PRKCE: variants seen among roughly 807,000 people sequenced by gnomAD.
The protein encoded by PRKCE is protein kinase C epsilon.
In PRKCE, 16 loss-of-function variants were observed where a neutral mutation model predicts 85.4. The observed-to-expected ratio is 0.19, with a 90% CI of 0.13 to 0.28. PRKCE has a LOEUF of 0.28. Among genes scored for constraint, PRKCE ranks in the 10% least tolerant of loss-of-function variants. The pLI, the probability that PRKCE is intolerant of heterozygous loss-of-function variation, is 1.00. For synonymous variants in PRKCE, 388 were observed against 371.5 expected (o/e 1.04, Z -0.51); for missense variants, 573 against 975.2 (o/e 0.59, Z 5.49).
intron 2 of PRKCE, among the ~76,000 whole-genome samples, chr2:45,973,194 A>C (rs896029036): frequency 2.0e-5 from 3 of 152,186 alleles, no homozygotes; most frequent in Non-Finnish European, 2.9e-5. Flanking sequence ...AGGCCCCAGT[A>C]GGGAGGTTCT....
chr2:45,688,932 C>T (rs577277911), intron 1 of PRKCE, among the ~76,000 whole-genome samples: 1 of 152,330 alleles, frequency 6.6e-6, no homozygotes, highest in African/African-American at 2.4e-5. Flanking sequence ...TCATCCACAA[C>T]ATAAGAGACT....
chr2:45,717,666 C>T (rs184947957), intron 1 of PRKCE, among the ~76,000 whole-genome samples: 1 of 152,170 alleles, frequency 6.6e-6, no homozygotes, highest in Admixed American at 6.5e-5. Flanking sequence ...TTTAGCCCGC[C>T]ATAGTAGTCT....
chr2:45,989,230 G>C (rs1703599190), intron 6 of PRKCE, among the ~76,000 whole-genome samples: 1 of 152,222 alleles, frequency 6.6e-6, no homozygotes, highest in Non-Finnish European at 1.5e-5. Flanking sequence ...AGGGAGGAAG[G>C]TGTACTCCAC....
At chr2:45,824,326 T>A (rs967876592) in intron 1 of PRKCE, among the ~76,000 whole-genome samples, 1 of 152,240 alleles carries the variant, frequency 6.6e-6, no homozygotes, top group African/African-American at 2.4e-5. Flanking sequence ...AACTCCTTTC[T>A]TTCCAAAGCC....
At position 46,149,458 on chromosome 2, in the gene PRKCE, C is replaced by T. The variant is rs533116374; in HGVS notation, c.1732-1583C>T. Among the ~76,000 whole-genome samples, 20 of 152,290 alleles carry T rather than the reference C, an allele frequency of 1.3e-4. 1 individual carries two copies. The Middle Eastern group carries it at 0.02, about 155-fold the overall frequency. On this transcript the variant is annotated intron_variant, in intron 12 of 14. Transcript: ENST00000306156. ...GTTTCTGGGCAGAGCCATGCCTAATCCCACTCTAATAAGAAGAGAAAATAA... is the reference window on the plus strand; with the variant it reads ...GTTTCTGGGCAGAGCCATGCCTAATTCCACTCTAATAAGAAGAGAAAATAA...
At chr2:46,116,738 C>A (rs1672808161) in intron 11 of PRKCE, among the ~76,000 whole-genome samples, 1 of 89,806 alleles carries the variant, frequency 1.1e-5, no homozygotes, top group African/African-American at 3.4e-5. Context: ...GAGAAGGATG[C>A]CTGTTCGGAG....
chr2:45,887,675 A>G lies in PRKCE; in HGVS notation c.412+44612A>G, dbSNP rs114837551. 3.5e-3 allele frequency among the ~76,000 whole-genome samples: 539 copies of G among 152,268 alleles called. 3 individuals carry two copies. The highest frequency in any genetic ancestry group is 0.012 in the African/African-American group (507 of 41,556). On this transcript the variant is annotated intron_variant, in intron 2 of 14. Transcript: ENST00000306156. ...GTTCTAGAACCATGCCACATCAGCT[A>G]TGATCAGCATCTGCAAATGATGTCC...
At chr2:45,872,534 G>A (rs956125905) in intron 2 of PRKCE, among the ~76,000 whole-genome samples, 1 of 152,194 alleles carries the variant, frequency 6.6e-6, no homozygotes, top group South Asian at 2.1e-4. Flanking sequence ...GGCAGAACCA[G>A]AGGTCAATTA....
chr2:46,081,502 T>G (rs1309133837), intron 10 of PRKCE, among the ~76,000 whole-genome samples: 1 of 152,028 alleles, frequency 6.6e-6, no homozygotes, highest in Non-Finnish European at 1.5e-5. Context: ...ATTACACAAA[T>G]AAAACCTCAG....
chr2:46,089,724 G>A (rs1321917173), intron 11 of PRKCE, among the ~76,000 whole-genome samples: 1 of 148,762 alleles, frequency 6.7e-6, no homozygotes. Context: ...CTCAGCAAGA[G>A]ATGCTTTTCT....
intron 5 of PRKCE, 124 bp from the exon 6 acceptor site, chr2:45,984,427 G>T: frequency 7.1e-7 from 1 of 1,414,416 alleles, no homozygotes; most frequent in Non-Finnish European, 9.6e-7. Flanking sequence ...TTAGAGCCAA[G>T]CTAGGGCCTG....
intron 10 of PRKCE, among the ~76,000 whole-genome samples, chr2:46,026,966 G>C (rs572087533): frequency 1.3e-5 from 2 of 152,282 alleles, no homozygotes; most frequent in Non-Finnish European, 2.9e-5. Flanking sequence ...CAGGAGGATT[G>C]CTTGAGCCCT....
chr2:45,874,376 C>G (rs1694316719), intron 2 of PRKCE, among the ~76,000 whole-genome samples: 1 of 152,238 alleles, frequency 6.6e-6, no homozygotes, highest in South Asian at 2.1e-4. Flanking sequence ...GAACTTGTGC[C>G]TGTCCTCTGG....
At position 46,159,585 on chromosome 2, in the gene PRKCE, ACT is replaced by A. The variant is rs1203695205; in HGVS notation, c.1921-18_1921-17del. 3.2e-6 allele frequency: 5 copies of A among 1,576,658 alleles called. No individual in the cohort carries two copies. Among genetic ancestry groups the A allele is most frequent in the Non-Finnish European group, 4.3e-6 (5 of 1,168,272 alleles). On this transcript the variant is annotated intron_variant, in intron 13 of 14. Coordinates refer to ENST00000306156, the MANE Select transcript of PRKCE (RefSeq NM_005400.3). This position sits in a 1 kb window ranked among gnomAD's most constrained non-coding sequence, Gnocchi z 4.1. ...GGCCAGGCCTTTGTCACTAATTCCGACTCTGTCCTCATCCCTGCAGTTCATGA... is the reference window on the plus strand; with the variant it reads ...GGCCAGGCCTTTGTCACTAATTCCGACTGTCCTCATCCCTGCAGTTCATGA...
intron 10 of PRKCE, among the ~76,000 whole-genome samples, chr2:46,050,386 G>A (rs1220943593): frequency 2.0e-5 from 3 of 152,258 alleles, no homozygotes; most frequent in Non-Finnish European, 4.4e-5. Flanking sequence ...CTAGGCTCCA[G>A]TGTTCCGCTC....
chr2:45,943,739 C>G (rs1259148100), intron 2 of PRKCE, among the ~76,000 whole-genome samples: 1 of 152,186 alleles, frequency 6.6e-6, no homozygotes, highest in Admixed American at 6.5e-5. Flanking sequence ...GAAACCAAGC[C>G]TCCTCTCCTG....
rs34124689 is a variant in PRKCE at position 45,903,881 on chromosome 2, G to GTTT, written c.412+60825_412+60827dup. 2.6e-3 allele frequency among the ~76,000 whole-genome samples: 303 copies of GTTT among 117,186 alleles called. 12 individuals are homozygous for GTTT. Among genetic ancestry groups the GTTT allele is most frequent in the South Asian group, 8.2e-3 (26 of 3,160 alleles). 76.9% of individuals were successfully genotyped at this position (117,186 alleles called of 152,430 possible). On this transcript the variant is annotated intron_variant, in intron 2 of 14. Coordinates refer to ENST00000306156, the MANE Select transcript of PRKCE (RefSeq NM_005400.3). ...GTATATGAGAGCTTGTAGCCTGGCAGTTTTTTTTTGTTTGTTTGTTTGTTT... is the reference window on the plus strand; with the variant it reads ...GTATATGAGAGCTTGTAGCCTGGCAGTTTTTTTTTTTTGTTTGTTTGTTTGTTT...
rs150545523 is a variant in PRKCE at position 46,099,782 on chromosome 2, G to A, written c.1592+13420G>A. Among the ~76,000 whole-genome samples, 8 of 152,262 alleles carry A rather than the reference G, an allele frequency of 5.3e-5. No homozygotes were observed. The East Asian group carries it at 1.5e-3, about 29-fold the overall frequency. ...ACATTTATCGAGAAAACTCCAGGGA[G>A]GTGAGGGGATTTTCTAAGCATATTT... is the stretch of plus-strand genomic sequence containing the variant. On this transcript the variant is annotated intron_variant, in intron 11 of 14. Transcript: ENST00000306156.
intron 13 of PRKCE, among the ~76,000 whole-genome samples, chr2:46,152,911 G>A (rs1192781321): frequency 6.6e-6 from 1 of 152,190 alleles, no homozygotes; most frequent in African/African-American, 2.4e-5. Context: ...ATCTGAGGGT[G>A]CATGTACCAT....
Sources: allele counts gnomAD v4.1 joint callset (sites outside exome capture counted in the v4.1 genomes callset), GRCh38; gene constraint gnomAD v4.1.1; non-coding constraint Gnocchi (gnomAD v3.1); transcripts MANE v1.5; gene names NCBI Gene and HGNC (gene_info 2026-07-23, HGNC 2026-07-21).